The following PEAK1 variants were observed in gnomAD, a reference collection of about 807,000 sequenced individuals.
PEAK1 encodes pseudopodium enriched atypical kinase 1.
Under a neutral mutation model 124.7 loss-of-function variants are expected in PEAK1, and 54 were observed. The observed-to-expected ratio is 0.43, with a 90% CI of 0.35 to 0.54. PEAK1 has a LOEUF of 0.54. PEAK1 is among the 20% of genes least tolerant of loss of function. The pLI, the probability that PEAK1 is intolerant of heterozygous loss-of-function variation, is 0.01. For synonymous variants in PEAK1, 719 were observed against 760.0 expected, an observed-to-expected ratio of 0.95 and a Z score of 0.89; for missense variants, 2,046 against 2,134.5, an observed-to-expected ratio of 0.96 and a Z score of 0.82.
chr15:77,173,108 C>T (rs956890837), intron 7 of PEAK1, among the ~76,000 whole-genome samples: 3 of 152,030 alleles, frequency 2.0e-5, no homozygotes, highest in Non-Finnish European at 4.4e-5. Flanking sequence ...ACAACAAACT[C>T]TCCTAGTACA....
intron 5 of PEAK1, among the ~76,000 whole-genome samples, chr15:77,269,460 G>A (rs2061915366): frequency 6.6e-6 from 1 of 152,070 alleles, no homozygotes; most frequent in East Asian, 1.9e-4. Flanking sequence ...AATACAACAG[G>A]AAAGTATCAC....
At chr15:77,388,716 A>G (rs971195565) in intron 1 of PEAK1, among the ~76,000 whole-genome samples, 2 of 150,514 alleles carry the variant, frequency 1.3e-5, no homozygotes, top group Admixed American at 6.7e-5. Context: ...CTATTTCTAC[A>G]TTTTCCTTTC....
chr15:77,289,324 T>C (rs2063093534), intron 2 of PEAK1, among the ~76,000 whole-genome samples: 1 of 152,204 alleles, frequency 6.6e-6, no homozygotes, highest in Non-Finnish European at 1.5e-5. Flanking sequence ...TGCATAATAG[T>C]TTACTGAAAT....
intron 5 of PEAK1, among the ~76,000 whole-genome samples, chr15:77,280,275 A>C (rs1473304370): frequency 6.6e-6 from 1 of 152,144 alleles, no homozygotes; most frequent in Non-Finnish European, 1.5e-5. Context: ...CGGGAGGCGG[A>C]GGCTGCAGTG....
At chr15:77,408,841 C>T (rs566371332) in intron 1 of PEAK1, among the ~76,000 whole-genome samples, 4 of 152,172 alleles carry the variant, frequency 2.6e-5, no homozygotes, top group African/African-American at 7.2e-5. Context: ...GAGGCTGAGG[C>T]GGGAGGATCA....
intron 8 of PEAK1, among the ~76,000 whole-genome samples, chr15:77,151,251 C>T (rs2054596849): frequency 6.6e-6 from 1 of 151,322 alleles, no homozygotes; most frequent in South Asian, 2.1e-4. Flanking sequence ...ATTTGCATTT[C>T]TCTGATGGCC....
intron 1 of PEAK1, chr15:77,419,412 G>A (rs1186476302): frequency 2.0e-6 from 2 of 985,176 alleles, no homozygotes; most frequent in Non-Finnish European, 2.4e-6. Flanking sequence ...CTGAGCAGCC[G>A]AACCACTCAC....
chr15:77,324,371 C>T (rs1447156971), intron 2 of PEAK1, among the ~76,000 whole-genome samples: 6 of 152,208 alleles, frequency 3.9e-5, no homozygotes, highest in Non-Finnish European at 8.8e-5. Flanking sequence ...AGCCCAGCTA[C>T]TCAGGAGGCT....
intron 5 of PEAK1, among the ~76,000 whole-genome samples, chr15:77,281,756 C>A (rs2062687072): frequency 6.6e-6 from 1 of 152,090 alleles, no homozygotes; most frequent in South Asian, 2.1e-4. Context: ...ACGTGGCATA[C>A]ATAAGCTAAT....
Position 77,181,705 on chromosome 15 carries a change from C to T in PEAK1, c.222G>A (p.Lys74=). 1 of 1,614,078 alleles carries T rather than the reference C, an allele frequency of 6.2e-7. No individual in the cohort carries two copies. Among genetic ancestry groups the T allele is most frequent in the Non-Finnish European group, 8.5e-7 (1 of 1,180,004 alleles). Residue 74 remains lysine (K), a synonymous_variant, in exon 7 of 10, where the codon AAG becomes AAA. Transcript: ENST00000682557. ...PVAKKPTIAV[K]PTMIVADGQS... Reference sequence around the variant, plus strand: ...GCCCATCTGCCACTATCATAGTGGGCTTCACAGCTATAGTGGGTTTTTTAG... The same window carrying T: ...GCCCATCTGCCACTATCATAGTGGGTTTCACAGCTATAGTGGGTTTTTTAG...
intron 1 of PEAK1, among the ~76,000 whole-genome samples, chr15:77,395,597 A>G (rs907349581): frequency 1.3e-4 from 20 of 152,294 alleles, no homozygotes; most frequent in East Asian, 5.8e-4. Context: ...AGCTCCAATA[A>G]GACTGGCGGG....
At chr15:77,392,960 C>T (rs1295874539) in intron 1 of PEAK1, among the ~76,000 whole-genome samples, 1 of 152,196 alleles carries the variant, frequency 6.6e-6, no homozygotes, top group Non-Finnish European at 1.5e-5. Context: ...TGTGCACTTG[C>T]GGGGAAAGAG....
At chr15:77,149,910 G>A (rs1001104350) in intron 8 of PEAK1, among the ~76,000 whole-genome samples, 1 of 151,916 alleles carries the variant, frequency 6.6e-6, no homozygotes, top group African/African-American at 2.4e-5. Flanking sequence ...CTCCACACTC[G>A]GCTAATTTTT....
intron 2 of PEAK1, among the ~76,000 whole-genome samples, chr15:77,353,435 G>A (rs1022664028): frequency 6.6e-6 from 1 of 152,212 alleles, no homozygotes; most frequent in Non-Finnish European, 1.5e-5. Context: ...CTGGTTTCAA[G>A]ACTGGGTGGT....
At chr15:77,323,085 C>T (rs201677146) in intron 2 of PEAK1, among the ~76,000 whole-genome samples, 2 of 151,306 alleles carry the variant, frequency 1.3e-5, no homozygotes, top group African/African-American at 2.4e-5. Context: ...ATTCAACAAC[C>T]TTCATGCTAA....
At position 77,389,537 on chromosome 15, in the gene PEAK1, C is replaced by T. The variant is rs190378114; in HGVS notation, c.-665-24312G>A. 2.8e-3 allele frequency among the ~76,000 whole-genome samples: 426 copies of T among 152,268 alleles called. 1 individual carries two copies. The highest frequency in any genetic ancestry group is 2.2e-3 in the Non-Finnish European group (148 of 68,026). On this transcript the variant is annotated intron_variant, in intron 1 of 9. Transcript: ENST00000682557. ...GCTGGGATGATAACTTGTGGTTATA[C>T]ATGAAATTTTATAGGTTATTATGAA...
intron 7 of PEAK1, among the ~76,000 whole-genome samples, chr15:77,159,987 G>C (rs2055487335): frequency 6.6e-6 from 1 of 152,162 alleles, no homozygotes; most frequent in Admixed American, 6.5e-5. Flanking sequence ...TCCATTAGGG[G>C]ATCTGGCTCT....
chr15:77,339,148 T>C (rs1027366364), intron 2 of PEAK1, among the ~76,000 whole-genome samples: 1 of 151,616 alleles, frequency 6.6e-6, no homozygotes, highest in Non-Finnish European at 1.5e-5. Context: ...TCTCATTATG[T>C]CGCCCAGGCT....
At chr15:77,273,274 G>A (rs570065604) in intron 5 of PEAK1, among the ~76,000 whole-genome samples, 139 of 152,184 alleles carry the variant, frequency 9.1e-4, no homozygotes, top group African/African-American at 3.2e-3. Context: ...AGAAAAATTA[G>A]ACAAGAGAAA....
Sources: gnomAD v4.1 joint callset for allele counts (sites outside exome capture counted in the v4.1 genomes callset) on GRCh38, gnomAD v4.1.1 for gene constraint, MANE v1.5 for transcripts, NCBI Gene and HGNC (gene_info 2026-07-23, HGNC 2026-07-21) for gene names.